Variants in PPP4R1 observed in about 807,000 individuals in gnomAD.
PPP4R1 encodes serine/threonine-protein phosphatase 4 regulatory subunit 1.
PPP4R1 carries 42 observed loss-of-function variants against 111.2 expected under a neutral mutation model. That is an observed-to-expected ratio of 0.38 (90% confidence interval 0.29 to 0.49). The LOEUF is 0.49. Among genes scored for constraint, PPP4R1 ranks in the 20% least tolerant of loss-of-function variants. The pLI, the probability that PPP4R1 is intolerant of heterozygous loss-of-function variation, is 0.97. For synonymous variants in PPP4R1, 409 were observed against 405.5 expected (o/e 1.01, Z -0.10); for missense variants, 1,012 against 1,161.6 (o/e 0.87, Z 1.87).
rs1420851222 is a variant in PPP4R1 at position 9,570,677 on chromosome 18, T to A, written c.1053A>T (p.Arg351Ser). ...GTACATCCTCTGGGGCTTCTTGATC[T>A]CTGGTCCTTTTATTGTTTTATTTGG... Reference protein sequence around the residue: ...EMSVENKNRTRDQEAPEDVQV... With the variant: ...EMSVENKNRTSDQEAPEDVQV... Residue 351 changes from arginine to serine, a missense_variant, in exon 11 of 20, where the codon AGA becomes AGT. By Grantham distance (110) the Arg-to-Ser change is moderately radical. This residue lies in a region of PPP4R1 where 707 missense variants were observed against 742.1 expected (regional missense o/e 0.95). Transcript: ENST00000400556. 1 of 1,538,984 alleles carries A rather than the reference T, an allele frequency of 6.5e-7. No individual in the cohort carries two copies. Among genetic ancestry groups the A allele is most frequent in the Non-Finnish European group, 8.7e-7 (1 of 1,146,798 alleles).
intron 5 of PPP4R1, among the ~76,000 whole-genome samples, chr18:9,588,466 A>C (rs1361155518): frequency 6.6e-6 from 1 of 152,240 alleles, no homozygotes; most frequent in Non-Finnish European, 1.5e-5. Context: ...GATGCCTCAC[A>C]AAGTAACAAA....
chr18:9,595,134 G>A lies in PPP4R1; in HGVS notation c.72C>T (p.Ser24=). The A allele has an allele frequency of 6.2e-7, 1 of 1,613,760 alleles. No individual in the cohort carries two copies. The highest frequency in any genetic ancestry group is 8.5e-7 in the Non-Finnish European group (1 of 1,179,812). The change falls in exon 3 of 20, where the codon AGC becomes AGT. Residue 24 remains serine, a synonymous_variant. Transcript: ENST00000400556. The part of the protein sequence containing the change: ...DADGFGVDDY[S]SESDVIIIPS... ...GTATAATAATCACATCAGACTCTGA[G>A]CTGTAGTCATCCACACCAACTATCA...
intron 11 of PPP4R1, among the ~76,000 whole-genome samples, chr18:9,565,134 T>G (rs329024): frequency 0.12 from 17,693 of 152,270 alleles, 1,257 homozygotes; most frequent in Middle Eastern, 0.24. Context: ...GTAATTCTTG[T>G]ACTAGTTCAA....
chr18:9,604,494 C>A (rs1223155442), intron 2 of PPP4R1, among the ~76,000 whole-genome samples: 1 of 152,152 alleles, frequency 6.6e-6, no homozygotes, highest in African/African-American at 2.4e-5. Context: ...CTGTACACAG[C>A]CCATGTGGAG....
chr18:9,578,937 C>T (rs1487096496), intron 9 of PPP4R1, among the ~76,000 whole-genome samples: 3 of 152,120 alleles, frequency 2.0e-5, no homozygotes, highest in Admixed American at 1.3e-4. Flanking sequence ...ACATAGAAAA[C>T]TTAATTTATC....
intron 14 of PPP4R1, among the ~76,000 whole-genome samples, chr18:9,558,785 A>C (rs903903444): frequency 3.9e-5 from 6 of 151,966 alleles, no homozygotes; most frequent in African/African-American, 1.5e-4. Flanking sequence ...GTTTATACAG[A>C]AATCAGCCCT....
chr18:9,555,652 T>A (rs2066561020), intron 15 of PPP4R1, among the ~76,000 whole-genome samples: 1 of 152,208 alleles, frequency 6.6e-6, no homozygotes, highest in Non-Finnish European at 1.5e-5. Context: ...AAACCCCGCT[T>A]ACTCAGAATC....
At chr18:9,594,980 C>T (rs781516345) in intron 3 of PPP4R1, 38 bp downstream of exon 3, 2 of 1,600,340 alleles carry the variant, frequency 1.2e-6, no homozygotes, top group Admixed American at 1.7e-5. Flanking sequence ...TAAAACCACC[C>T]TTCCACTTCC....
upstream of PPP4R1, among the ~76,000 whole-genome samples, chr18:9,616,708 T>C (rs2067692049): frequency 6.6e-6 from 1 of 152,236 alleles, no homozygotes; most frequent in East Asian, 1.9e-4. Context: ...GACTTAACAG[T>C]TCTCAGTAAT....
chr18:9,555,282 AC>A (rs2066553350), intron 15 of PPP4R1, among the ~76,000 whole-genome samples: 1 of 152,168 alleles, frequency 6.6e-6, no homozygotes, highest in African/African-American at 2.4e-5. Context: ...AGCCTGGGCA[AC>A]AGAGTGAGAC....
chr18:9,605,845 G>A (rs1343410464), intron 2 of PPP4R1, among the ~76,000 whole-genome samples: 1 of 152,088 alleles, frequency 6.6e-6, no homozygotes, highest in Non-Finnish European at 1.5e-5. Context: ...GATTGTAAAA[G>A]TGCCCTTGTT....
chr18:9,595,270 A>C (rs2067273342), intron 2 of PPP4R1, 117 bp from the exon 3 acceptor site: 1 of 1,091,504 alleles, frequency 9.2e-7, no homozygotes, highest in South Asian at 1.8e-5. Flanking sequence ...ATCACAAGAG[A>C]CTCTCAGAAT....
chr18:9,595,065 G>A lies in PPP4R1; in HGVS notation c.141C>T (p.Pro47=). 1 of 1,613,872 alleles carries A rather than the reference G, an allele frequency of 6.2e-7. No homozygotes were observed. Among genetic ancestry groups the A allele is most frequent in the Non-Finnish European group, 8.5e-7 (1 of 1,179,930 alleles). ...DFVSQDEMLT[P]LGRLDKYAAS... is the part of the protein sequence containing the mutation. Reference sequence around the variant, plus strand: ...CAGCATACTTGTCCAATCTCCCCAGGGGCGTCAACATTTCATCTTGTGAGA... The same window carrying A: ...CAGCATACTTGTCCAATCTCCCCAGAGGCGTCAACATTTCATCTTGTGAGA... Residue 47 remains proline, a synonymous_variant, in exon 3 of 20, where the codon CCC becomes CCT. Coordinates refer to ENST00000400556, the MANE Select transcript of PPP4R1 (RefSeq NM_001042388.3).
chr18:9,581,168 CAAAA>C (rs56258469), intron 9 of PPP4R1, among the ~76,000 whole-genome samples: 1 of 138,294 alleles, frequency 7.2e-6, no homozygotes, highest in Non-Finnish European at 1.6e-5. Context: ...ACAAGGCAGG[CAAAA>C]AAAAAAAAAA....
chr18:9,553,835 T>C (rs1271936885), intron 15 of PPP4R1, among the ~76,000 whole-genome samples: 1 of 152,228 alleles, frequency 6.6e-6, no homozygotes, highest in African/African-American at 2.4e-5. Flanking sequence ...TCAGTATTTG[T>C]TGAGAGAAAA....
Position 9,577,071 on chromosome 18 carries a change from T to C in PPP4R1, c.1039A>G (p.Lys347Glu). 6.4e-7 allele frequency: 1 copy of C among 1,550,530 alleles called. No homozygotes were observed. Among genetic ancestry groups the C allele is most frequent in the East Asian group, 2.3e-5 (1 of 43,888 alleles). The change falls in exon 10 of 20, where the codon AAA becomes GAA. Residue 347 changes from lysine to glutamate, a missense_variant. Physicochemically the swap from Lys to Glu is moderately conservative, Grantham distance 56. This residue lies in a region of PPP4R1 where 707 missense variants were observed against 742.1 expected (regional missense o/e 0.95). Transcript: ENST00000400556. ...KSSEEMSVEN[K>E]NRTRDQEAPE... ...ATGGTTTCAAAATTATACCTATTTT[T>C]GTTTTCTACTGACATCTCTTCTGAA... is the stretch of plus-strand genomic sequence containing the variant.
At chr18:9,557,852 C>G (rs1389657209) in intron 14 of PPP4R1, among the ~76,000 whole-genome samples, 3 of 152,176 alleles carry the variant, frequency 2.0e-5, no homozygotes, top group African/African-American at 7.2e-5. Flanking sequence ...TGCCGACGTA[C>G]TGAGGCTGCA....
At chr18:9,553,814 A>AGAGTAGGCATTCAGTATTTGTT in intron 15 of PPP4R1, among the ~76,000 whole-genome samples, 1 of 152,394 alleles carries the variant, frequency 6.6e-6, no homozygotes, top group South Asian at 2.1e-4. Flanking sequence ...GTGACAGCAC[A>AGAGTAGGCATTCAGTATTTGTT]GAGTAGGCAT....
chr18:9,559,446 C>T lies in PPP4R1; in HGVS notation c.2001G>A (p.Thr667=), dbSNP rs1301281099. 6.2e-6 allele frequency: 10 copies of T among 1,612,560 alleles called. No homozygotes were observed. Among genetic ancestry groups the T allele is most frequent in the Admixed American group, 1.7e-5 (1 of 59,876 alleles). The change falls in exon 14 of 20, where the codon ACG becomes ACA. Residue 667 remains threonine, a synonymous_variant. Transcript: ENST00000400556. ...GCATGTCTGAGGCCAGAGTCTCATACGTCTCTCTCAGGCAGTGCCAATTCT... is the reference window on the plus strand; with the variant it reads ...GCATGTCTGAGGCCAGAGTCTCATATGTCTCTCTCAGGCAGTGCCAATTCT... ...GRQNWHCLRE[T]YETLASDMQW...
Sources: allele counts gnomAD v4.1 joint callset (sites outside exome capture counted in the v4.1 genomes callset), GRCh38; gene constraint gnomAD v4.1.1; regional missense constraint gnomAD v4.1.1; transcripts MANE v1.5; gene names NCBI Gene and HGNC (gene_info 2026-07-23, HGNC 2026-07-21).